Variants in NAV3 observed in about 807,000 individuals in gnomAD.
NAV3 encodes pore membrane and/or filament interacting like protein 1.
Under a neutral mutation model 244.7 loss-of-function variants are expected in NAV3, and 87 were observed. The observed-to-expected ratio is 0.36, with a 90% CI of 0.30 to 0.42. NAV3 has a LOEUF of 0.42. Ranked by LOEUF, NAV3 falls within the 20% of genes least tolerant of loss-of-function variation. The pLI, the probability that NAV3 is intolerant of heterozygous loss-of-function variation, is 1.00. For missense variants in NAV3, 2,663 were observed against 2,893.3 expected, an observed-to-expected ratio of 0.92 and a Z score of 1.83; for synonymous variants, 1,126 against 1,042.2, an observed-to-expected ratio of 1.08 and a Z score of -1.55.
At chr12:77,840,029 C>T (rs906291076) in intron 1 of NAV3, among the ~76,000 whole-genome samples, 4 of 151,944 alleles carry the variant, frequency 2.6e-5, no homozygotes, top group Non-Finnish European at 4.4e-5. Context: ...GCCGAGATCG[C>T]GCCACTGTAC....
At chr12:77,987,193 C>G (rs974872484) in intron 5 of NAV3, among the ~76,000 whole-genome samples, 1 of 151,968 alleles carries the variant, frequency 6.6e-6, no homozygotes, top group African/African-American at 2.4e-5. Context: ...TCTATAATAT[C>G]TTGGAAATCT....
At position 78,198,707 on chromosome 12, in the gene NAV3, G is replaced by GT. The variant is rs112390179; in HGVS notation, c.6518+38dup. 7.3e-4 allele frequency: 428 copies of GT among 589,128 alleles called. 1 individual carries two copies. The African/African-American group carries it at 0.01, about 14-fold the overall frequency. The allele number at this position is 589,128 out of a possible 1,614,324, so 36.5% of individuals were successfully genotyped here. On this transcript the variant is annotated intron_variant, in intron 36 of 39. Coordinates refer to ENST00000397909, the MANE Select transcript of NAV3 (RefSeq NM_001024383.2). ...GTTAAGTTGAAGGTTTTTTTGTTTT[G>GT]TTTTTTTGTTTTGTGTTGGGGGGGG...
intron 3 of NAV3, among the ~76,000 whole-genome samples, chr12:77,948,959 A>G (rs940341937): frequency 9.9e-5 from 15 of 151,982 alleles, no homozygotes; most frequent in African/African-American, 3.6e-4. Context: ...CTTTGATCAG[A>G]TAAGTATTTT....
chr12:77,931,838 G>A (rs1888833144), intron 1 of NAV3, among the ~76,000 whole-genome samples: 1 of 152,030 alleles, frequency 6.6e-6, no homozygotes, highest in South Asian at 2.1e-4. Context: ...CTGCACGCCA[G>A]CCTGGGTGAC....
chr12:77,906,480 A>G (rs908774110), intron 1 of NAV3, among the ~76,000 whole-genome samples: 1 of 152,082 alleles, frequency 6.6e-6, no homozygotes. Flanking sequence ...TGCATTTTAT[A>G]TTTGAATGAT....
intron 1 of NAV3, among the ~76,000 whole-genome samples, chr12:77,873,679 G>GTGTGTGTATATA (rs540390004): frequency 9.3e-6 from 1 of 107,292 alleles, no homozygotes; most frequent in Non-Finnish European, 1.9e-5. Context: ...ATTTGTATGT[G>GTGTGTGTATATA]TATATATATA....
At chr12:78,047,477 ACT>A (rs1882018079) in intron 9 of NAV3, among the ~76,000 whole-genome samples, 1 of 152,034 alleles carries the variant, frequency 6.6e-6, no homozygotes, top group African/African-American at 2.4e-5. Context: ...ACAGAGCAAG[ACT>A]CTGTCTCAAG....
intron 2 of NAV3, among the ~76,000 whole-genome samples, chr12:77,769,203 C>T (rs1869944042): frequency 6.6e-6 from 1 of 152,142 alleles, no homozygotes; most frequent in Admixed American, 6.5e-5. Context: ...TTTTTAAGTA[C>T]TACAATATAG....
intron 5 of NAV3, among the ~76,000 whole-genome samples, chr12:77,980,867 A>G (rs1869435017): frequency 6.6e-6 from 1 of 152,172 alleles, no homozygotes; most frequent in Non-Finnish European, 1.5e-5. Context: ...CTAAAAGAGC[A>G]AGAGACTTTG....
Position 77,966,329 on chromosome 12 carries a change from C to T in NAV3, c.487+28C>T, listed in dbSNP as rs757725929. 12 of 1,532,864 alleles carry T rather than the reference C, an allele frequency of 7.8e-6. No homozygotes were observed. In the African/African-American group the frequency reaches 1.5e-4, roughly 19 times the overall value. The allele number at this position is 1,532,864 out of a possible 1,614,324, so 95.0% of individuals were successfully genotyped here. A position where few individuals can be genotyped will look rare whatever the true frequency, so the allele number is the denominator to read the frequency against. ...AAGAAAAAGAATGACTGAATTGTCA[C>T]AAATGGCATCAATGTTTTTAAATTA... is the stretch of plus-strand genomic sequence containing the variant. On this transcript the variant is annotated intron_variant, in intron 4 of 39. Coordinates refer to ENST00000397909, the MANE Select transcript of NAV3 (RefSeq NM_001024383.2).
chr12:78,000,724 C>T (rs1402724509), intron 7 of NAV3, among the ~76,000 whole-genome samples: 3 of 148,626 alleles, frequency 2.0e-5, no homozygotes, highest in Non-Finnish European at 4.5e-5. Context: ...AGGATGGTCT[C>T]GATCTCCTGA....
In NAV3 at chr12:77,935,684, T is replaced by A. The variant is rs538361777; in HGVS notation, c.244-4635T>A. Among the ~76,000 whole-genome samples, 24 of 152,284 alleles carry A rather than the reference T, an allele frequency of 1.6e-4. No homozygotes were observed. The South Asian group carries it at 5.0e-3, about 32-fold the overall frequency. On this transcript the variant is annotated intron_variant, in intron 1 of 39. Coordinates refer to ENST00000397909, the MANE Select transcript of NAV3 (RefSeq NM_001024383.2). The stretch of plus-strand genomic sequence containing the variant: ...CTGTTTTCACACTGCTATAAAGACA[T>A]CCCTGAGACTGGGTAACTTGTAAGG...
chr12:77,792,626 T>G (rs760592295), intron 2 of NAV3, among the ~76,000 whole-genome samples: 2 of 152,222 alleles, frequency 1.3e-5, no homozygotes, highest in Non-Finnish European at 2.9e-5. Flanking sequence ...TGGGCAATTT[T>G]GGTTCAAGTA....
At chr12:77,873,583 G>A (rs948969084) in intron 1 of NAV3, among the ~76,000 whole-genome samples, 8 of 148,528 alleles carry the variant, frequency 5.4e-5, no homozygotes, top group African/African-American at 1.7e-4. Context: ...CTTAGCAAAG[G>A]ACTTTACTAT....
intron 2 of NAV3, among the ~76,000 whole-genome samples, chr12:77,790,977 G>GGA (rs1871151327): frequency 6.6e-6 from 1 of 152,156 alleles, no homozygotes; most frequent in Non-Finnish European, 1.5e-5. Flanking sequence ...TTCCCTCAAA[G>GGA]GAGAAGGAAA....
At position 77,696,452 on chromosome 12, in the gene NAV3, A is replaced by G. The variant is rs577485721; in HGVS notation, c.72+124186A>G. 2.6e-5 allele frequency among the ~76,000 whole-genome samples: 4 copies of G among 152,242 alleles called. No homozygotes were observed. The South Asian group carries it at 8.3e-4, about 32-fold the overall frequency. On this transcript the variant is annotated intron_variant, in intron 2 of 8. Coordinates refer to the NAV3 transcript ENST00000550042. ...AGCCTACAAATAACTGAATTTTGCCAATAACCATATGCGTTCTGAAGCAGA... is the reference window on the plus strand; with the variant it reads ...AGCCTACAAATAACTGAATTTTGCCGATAACCATATGCGTTCTGAAGCAGA...
At chr12:77,624,604 T>C (rs1871533297) in intron 2 of NAV3, among the ~76,000 whole-genome samples, 1 of 152,026 alleles carries the variant, frequency 6.6e-6, no homozygotes, top group African/African-American at 2.4e-5. Flanking sequence ...AGGTATGAAG[T>C]GGCTGTTGAA....
At chr12:77,811,790 A>T (rs750149216) in intron 2 of NAV3, among the ~76,000 whole-genome samples, 3 of 152,258 alleles carry the variant, frequency 2.0e-5, no homozygotes, top group Non-Finnish European at 2.9e-5. Context: ...GAAGAGAAGC[A>T]TTTTCTGAGA....
intron 1 of NAV3, among the ~76,000 whole-genome samples, chr12:77,937,456 T>G (rs1439028084): frequency 6.6e-6 from 1 of 152,228 alleles, no homozygotes; most frequent in South Asian, 2.1e-4. Context: ...AATGAAAGTA[T>G]TCTTATTTTC....
Sources: gnomAD v4.1 joint callset for allele counts (sites outside exome capture counted in the v4.1 genomes callset) on GRCh38, gnomAD v4.1.1 for gene constraint, MANE v1.5 for transcripts, NCBI Gene and HGNC (gene_info 2026-07-23, HGNC 2026-07-21) for gene names.